The following MYRIP variants were observed in gnomAD, a reference collection of about 807,000 sequenced individuals.
The protein encoded by MYRIP is rab effector MyRIP.
MYRIP carries 49 observed loss-of-function variants against 98.0 expected under a neutral mutation model. That is an observed-to-expected ratio of 0.50 (90% CI 0.40 to 0.63). MYRIP has a LOEUF of 0.63. MYRIP is among the 30% of genes least tolerant of loss of function. MYRIP has a pLI of 0.00. For synonymous variants in MYRIP, 404 were observed against 409.5 expected (o/e 0.99, Z 0.16); for missense variants, 1,004 against 1,058.2 (o/e 0.95, Z 0.71).
At chr3:40,237,230 C>T (rs958845653) in intron 12 of MYRIP, among the ~76,000 whole-genome samples, 9 of 152,232 alleles carry the variant, frequency 5.9e-5, no homozygotes, top group African/African-American at 2.2e-4. Flanking sequence ...TCCCATAAAA[C>T]CTATGCATGT....
At chr3:39,873,330 C>G (rs1023328289) in intron 1 of MYRIP, among the ~76,000 whole-genome samples, 1 of 152,122 alleles carries the variant, frequency 6.6e-6, no homozygotes, top group African/African-American at 2.4e-5. Context: ...TGTGCAGAAG[C>G]TCCTTAGTTT....
Position 40,016,327 on chromosome 3 carries a change from C to A in MYRIP, c.111-27723C>A, listed in dbSNP as rs367983054. On this transcript the variant is annotated intron_variant, in intron 2 of 16. Coordinates refer to ENST00000302541, the MANE Select transcript of MYRIP (RefSeq NM_015460.4). Reference sequence around the variant, plus strand: ...CCCCTTCACTGCCAGGTATGCCTATCCCCCAGTTCTGTGAGTGTGGGGCAG... The same window carrying A: ...CCCCTTCACTGCCAGGTATGCCTATACCCCAGTTCTGTGAGTGTGGGGCAG... 1.6e-3 allele frequency among the ~76,000 whole-genome samples: 250 copies of A among 152,224 alleles called. 2 individuals are homozygous for A. Among genetic ancestry groups the A allele is most frequent in the African/African-American group, 5.9e-3 (245 of 41,536 alleles).
At position 39,830,591 on chromosome 3, in the gene MYRIP, G is replaced by T. The variant is rs532098492; in HGVS notation, c.-31+20675G>T. 3.0e-4 allele frequency among the ~76,000 whole-genome samples: 46 copies of T among 152,248 alleles called. 1 individual carries two copies. In the South Asian group the frequency reaches 8.9e-3, roughly 30 times the overall value. ...TCACCTGCCATATCTGCTGCCCTTT[G>T]TTCTGTGACCAATATGAAATGTCGC... On this transcript the variant is annotated intron_variant, in intron 1 of 16. Coordinates refer to ENST00000302541, the MANE Select transcript of MYRIP (RefSeq NM_015460.4).
In MYRIP at chr3:40,151,029, C is replaced by G; in HGVS notation, c.333-19C>G. Reference sequence around the variant, plus strand: ...TTTAATAATTCTAATTTTGTGTTGTCTAATTCTGTTTTCCTCAGGCTTCTG... The same window carrying G: ...TTTAATAATTCTAATTTTGTGTTGTGTAATTCTGTTTTCCTCAGGCTTCTG... On this transcript the variant is annotated intron_variant, in intron 3 of 16. Coordinates refer to ENST00000302541, the MANE Select transcript of MYRIP (RefSeq NM_015460.4). 6.4e-7 allele frequency: 1 copy of G among 1,554,306 alleles called. No homozygotes were observed. The highest frequency in any genetic ancestry group is 8.7e-7 in the Non-Finnish European group (1 of 1,145,002).
intron 3 of MYRIP, among the ~76,000 whole-genome samples, chr3:40,047,174 A>G (rs1947687586): frequency 6.6e-6 from 1 of 152,246 alleles, no homozygotes; most frequent in South Asian, 2.1e-4. Flanking sequence ...ATAATTTGTC[A>G]GATATTGGAA....
chr3:39,813,499 TG>T (rs1940771325), intron 1 of MYRIP, among the ~76,000 whole-genome samples: 1 of 152,210 alleles, frequency 6.6e-6, no homozygotes, highest in African/African-American at 2.4e-5. Context: ...AGGAGGAGGA[TG>T]GCTTTCCAAT....
chr3:39,896,766 A>C (rs895809843), intron 1 of MYRIP, among the ~76,000 whole-genome samples: 1 of 152,192 alleles, frequency 6.6e-6, no homozygotes, highest in Non-Finnish European at 1.5e-5. Flanking sequence ...TGACCCTTCT[A>C]GGTACTTTAA....
chr3:40,197,170 ATTAG>A (rs1276377546), intron 10 of MYRIP, among the ~76,000 whole-genome samples: 1 of 152,280 alleles, frequency 6.6e-6, no homozygotes, highest in South Asian at 2.1e-4. Context: ...GTCATCAGGC[ATTAG>A]TTAGATTCTC....
intron 2 of MYRIP, among the ~76,000 whole-genome samples, chr3:39,954,222 C>T (rs1476984572): frequency 6.6e-6 from 1 of 152,092 alleles, no homozygotes; most frequent in Non-Finnish European, 1.5e-5. Flanking sequence ...TCAAGTGGGT[C>T]CCTGACACCC....
chr3:40,204,036 ATAT>A (rs1951689736), intron 10 of MYRIP, among the ~76,000 whole-genome samples: 1 of 9,512 alleles, frequency 1.1e-4, no homozygotes, highest in African/African-American at 2.6e-4. Flanking sequence ...TATATATTAT[ATAT>A]TATATATAAT....
intron 2 of MYRIP, among the ~76,000 whole-genome samples, chr3:39,994,948 C>A (rs1946300239): frequency 1.3e-5 from 2 of 152,200 alleles, no homozygotes. Flanking sequence ...GGACCTCCAG[C>A]AAACTCCAAC....
intron 3 of MYRIP, among the ~76,000 whole-genome samples, chr3:40,125,963 C>T (rs921280138): frequency 5.9e-5 from 9 of 152,196 alleles, no homozygotes; most frequent in Admixed American, 5.9e-4. Flanking sequence ...TCCAGATTCT[C>T]AGCCTCTCTT....
intron 1 of MYRIP, among the ~76,000 whole-genome samples, chr3:39,863,848 A>G (rs1485235163): frequency 2.6e-5 from 4 of 152,090 alleles, no homozygotes; most frequent in Non-Finnish European, 2.9e-5. Context: ...AACAACAACA[A>G]CAACAAACTG....
intron 3 of MYRIP, among the ~76,000 whole-genome samples, chr3:40,104,601 G>C (rs1181003021): frequency 6.6e-6 from 1 of 152,148 alleles, no homozygotes; most frequent in Non-Finnish European, 1.5e-5. Flanking sequence ...TGTATTTTCA[G>C]TGTCAACATT....
At chr3:39,974,933 A>G (rs1945706903) in intron 2 of MYRIP, among the ~76,000 whole-genome samples, 1 of 152,220 alleles carries the variant, frequency 6.6e-6, no homozygotes, top group South Asian at 2.1e-4. Context: ...CCCACAGTCA[A>G]TATCATACTG....
intron 3 of MYRIP, among the ~76,000 whole-genome samples, chr3:40,121,743 A>G (rs940831128): frequency 5.3e-5 from 8 of 152,222 alleles, no homozygotes; most frequent in Admixed American, 5.2e-4. Context: ...AGTAGTAGAG[A>G]CAAATAATAT....
Position 40,120,218 on chromosome 3 carries a change from A to G in MYRIP, c.333-30830A>G, listed in dbSNP as rs1949372727. On this transcript the variant is annotated intron_variant, in intron 3 of 16. Transcript: ENST00000302541. ...TAATATAGCAAAATCCCTACCTTTA[A>G]TTTTCACAGTAAACTAAAACACTGT... 2.0e-5 allele frequency among the ~76,000 whole-genome samples: 3 copies of G among 152,194 alleles called. No homozygotes were observed. In the South Asian group the frequency reaches 6.2e-4, roughly 31 times the overall value.
At chr3:39,984,461 G>C (rs1010860529) in intron 2 of MYRIP, among the ~76,000 whole-genome samples, 3 of 151,840 alleles carry the variant, frequency 2.0e-5, no homozygotes, top group Non-Finnish European at 4.4e-5. Flanking sequence ...CCACCTATGA[G>C]TGAGAATATG....
intron 13 of MYRIP, chr3:40,248,116 G>A (rs1953261461): frequency 6.6e-6 from 1 of 152,270 alleles, no homozygotes; most frequent in Admixed American, 6.5e-5. Context: ...CCCCATTGAG[G>A]GGGGCACATA....
Sources: gnomAD v4.1 joint callset for allele counts (sites outside exome capture counted in the v4.1 genomes callset) on GRCh38, gnomAD v4.1.1 for gene constraint, MANE v1.5 for transcripts, NCBI Gene and HGNC (gene_info 2026-07-23, HGNC 2026-07-21) for gene names.